LRRTM4: variants seen among roughly 807,000 people sequenced by gnomAD.
LRRTM4 encodes leucine-rich repeat transmembrane neuronal protein 4.
In LRRTM4, 25 loss-of-function variants were observed where a neutral mutation model predicts 47.6. The ratio of observed to expected loss-of-function variants is 0.53; its 90% CI spans 0.38 to 0.73. LRRTM4 has a LOEUF of 0.73. Ranked by LOEUF, LRRTM4 falls within the 30% of genes least tolerant of loss-of-function variation. The probability of loss-of-function intolerance (pLI) is 0.00; values close to 1 mark genes in which losing one functional copy is unlikely to be tolerated. For synonymous variants in LRRTM4, 311 were observed against 269.5 expected (o/e 1.15, Z -1.51); for missense variants, 638 against 713.4 (o/e 0.89, Z 1.20).
At chr2:77,499,165 G>A (rs776629187) in intron 3 of LRRTM4, among the ~76,000 whole-genome samples, 10 of 151,816 alleles carry the variant, frequency 6.6e-5, no homozygotes, top group Non-Finnish European at 1.3e-4. Context: ...ATTGGCATGC[G>A]GATACTGATA....
intron 3 of LRRTM4, among the ~76,000 whole-genome samples, chr2:77,262,505 A>ATGT (rs146120885): frequency 0.12 from 18,361 of 148,548 alleles, 3,736 homozygotes; most frequent in African/African-American, 0.42. Flanking sequence ...TTTTTACCTA[A>ATGT]TTTTTTTTTT....
At chr2:77,212,940 A>C (rs1340713019) in intron 3 of LRRTM4, among the ~76,000 whole-genome samples, 2 of 152,104 alleles carry the variant, frequency 1.3e-5, no homozygotes, top group East Asian at 3.9e-4. Context: ...CTTTGTACCC[A>C]CTGATCACAT....
intron 3 of LRRTM4, among the ~76,000 whole-genome samples, chr2:77,385,935 T>C (rs1395257585): frequency 6.6e-6 from 1 of 151,518 alleles, no homozygotes; most frequent in Non-Finnish European, 1.5e-5. Flanking sequence ...TTTTTTATTT[T>C]TAGCAGAGAT....
chr2:77,216,166 G>T (rs1246485917), intron 3 of LRRTM4, among the ~76,000 whole-genome samples: 1 of 152,040 alleles, frequency 6.6e-6, no homozygotes, highest in Non-Finnish European at 1.5e-5. Flanking sequence ...ATGTCAAAAG[G>T]GTAGTAAAAA....
intron 3 of LRRTM4, among the ~76,000 whole-genome samples, chr2:76,933,350 A>C (rs577129437): frequency 1.5e-3 from 221 of 152,226 alleles, no homozygotes; most frequent in African/African-American, 5.2e-3. Context: ...TCTCTGTGCA[A>C]AAATAGGCAT....
chr2:77,028,764 G>A (rs139737039), intron 3 of LRRTM4, among the ~76,000 whole-genome samples: 2,592 of 151,924 alleles, frequency 0.017, 66 homozygotes, highest in African/African-American at 0.058. Flanking sequence ...GGCCTGGCGC[G>A]GTGGCTCACT....
intron 3 of LRRTM4, among the ~76,000 whole-genome samples, chr2:77,152,286 C>T (rs1380134762): frequency 6.6e-6 from 1 of 152,102 alleles, no homozygotes; most frequent in South Asian, 2.1e-4. Flanking sequence ...TTTCAAGGTG[C>T]ACTACCCACT....
Position 77,416,378 on chromosome 2 carries a change from T to C in LRRTM4, c.1551+101940A>G, listed in dbSNP as rs1240718138. On this transcript the variant is annotated intron_variant, in intron 3 of 3. Transcript: ENST00000409884. Reference sequence around the variant, plus strand: ...ATATTATTCTGTGGCTACTTGTAGATTGTTCAGTCCATCAGTAAAATTTTT... The same window carrying C: ...ATATTATTCTGTGGCTACTTGTAGACTGTTCAGTCCATCAGTAAAATTTTT... Among the ~76,000 whole-genome samples, 9 of 152,240 alleles carry C rather than the reference T, an allele frequency of 5.9e-5. No homozygotes were observed. In the South Asian group the frequency reaches 1.2e-3, roughly 21 times the overall value.
At chr2:76,948,862 C>A (rs950126500) in intron 3 of LRRTM4, among the ~76,000 whole-genome samples, 2 of 151,710 alleles carry the variant, frequency 1.3e-5, no homozygotes, top group African/African-American at 4.8e-5. Context: ...TTAATCATAA[C>A]TAGATTTTGT....
intron 3 of LRRTM4, among the ~76,000 whole-genome samples, chr2:77,447,873 T>C (rs1228077741): frequency 6.6e-6 from 1 of 152,162 alleles, no homozygotes; most frequent in African/African-American, 2.4e-5. Context: ...TGGATTTAGC[T>C]CACTGTTTCC....
At chr2:76,915,982 C>T (rs988299873) in intron 3 of LRRTM4, among the ~76,000 whole-genome samples, 3 of 151,966 alleles carry the variant, frequency 2.0e-5, no homozygotes, top group African/African-American at 7.3e-5. Flanking sequence ...AGATTAGTTA[C>T]TGGAAAAGCT....
intron 3 of LRRTM4, among the ~76,000 whole-genome samples, chr2:77,154,254 T>A (rs1333746782): frequency 6.6e-6 from 1 of 152,194 alleles, no homozygotes; most frequent in Non-Finnish European, 1.5e-5. Context: ...GTAGTCCACC[T>A]TAGAGGCAAA....
intron 3 of LRRTM4, among the ~76,000 whole-genome samples, chr2:77,462,115 A>G (rs79549288): frequency 0.01 from 1,549 of 152,182 alleles, 23 homozygotes; most frequent in African/African-American, 0.036. Context: ...AATGCTCCAT[A>G]TACTTTGTTC....
At chr2:76,873,410 A>G (rs1034669480) in intron 3 of LRRTM4, among the ~76,000 whole-genome samples, 2 of 150,336 alleles carry the variant, frequency 1.3e-5, no homozygotes, top group African/African-American at 4.9e-5. Context: ...GTATATGTAT[A>G]TAATGTGTGT....
chr2:77,152,921 C>A (rs528993734), intron 3 of LRRTM4, among the ~76,000 whole-genome samples: 1 of 152,188 alleles, frequency 6.6e-6, no homozygotes, highest in South Asian at 2.1e-4. Context: ...ACTTCAAATT[C>A]TTAAGATTTT....
intron 3 of LRRTM4, among the ~76,000 whole-genome samples, chr2:76,943,956 G>A (rs887107064): frequency 2.0e-5 from 3 of 151,948 alleles, no homozygotes; most frequent in Admixed American, 2.0e-4. Context: ...CCTCTTGTTT[G>A]GACTATTTTT....
chr2:77,303,382 G>A (rs1403782069), intron 3 of LRRTM4, among the ~76,000 whole-genome samples: 1 of 152,166 alleles, frequency 6.6e-6, no homozygotes, highest in South Asian at 2.1e-4. Context: ...GCGGATTTTA[G>A]CAGAGAAGAC....
intron 3 of LRRTM4, among the ~76,000 whole-genome samples, chr2:76,902,966 T>A (rs977817218): frequency 2.6e-5 from 4 of 152,182 alleles, no homozygotes; most frequent in African/African-American, 9.7e-5. Flanking sequence ...ACTAATAAAT[T>A]GGGTGGGTCA....
chr2:76,996,822 A>G (rs1490098064), intron 3 of LRRTM4, among the ~76,000 whole-genome samples: 1 of 152,188 alleles, frequency 6.6e-6, no homozygotes, highest in Non-Finnish European at 1.5e-5. Context: ...CATAATTGAC[A>G]TAACAGAGTT....
Sources: allele counts gnomAD v4.1 joint callset (sites outside exome capture counted in the v4.1 genomes callset), GRCh38; gene constraint gnomAD v4.1.1; transcripts MANE v1.5; gene names NCBI Gene and HGNC (gene_info 2026-07-23, HGNC 2026-07-21).